Variants in IL11RA observed in about 807,000 individuals in gnomAD.
The protein encoded by IL11RA is interleukin-11 receptor subunit alpha.
A neutral mutation model predicts 57.0 loss-of-function variants in IL11RA; 51 were observed. The ratio of observed to expected loss-of-function variants is 0.89; its 90% CI spans 0.71 to 1.13. The LOEUF (loss-of-function observed/expected upper bound fraction) is 1.13. Ranked by LOEUF, IL11RA falls within the 50% of genes most tolerant of loss-of-function variation. IL11RA has a pLI of 0.00. For missense variants in IL11RA, 498 were observed against 539.4 expected, an observed-to-expected ratio of 0.92 and a Z score of 0.76; for synonymous variants, 199 against 217.5, an observed-to-expected ratio of 0.91 and a Z score of 0.75.
Position 34,658,693 on chromosome 9 carries a change from G to GA in IL11RA, c.810+10_810+11insA. 1.2e-6 allele frequency: 2 copies of GA among 1,610,824 alleles called. No homozygotes were observed. Among genetic ancestry groups the GA allele is most frequent in the Non-Finnish European group, 1.7e-6 (2 of 1,179,982 alleles). ...TCCAGCCTGGTCCACGGTGAGGCCT[G>GA]GAGTGCGTCCCAACCCACGGCTGTG... is the stretch of plus-strand genomic sequence containing the variant. On this transcript the variant is annotated intron_variant, in intron 8 of 12. Transcript: ENST00000441545. This position sits in a 1 kb window ranked among gnomAD's most constrained non-coding sequence, Gnocchi z 4.0.
At chr9:34,656,182 C>T (rs983655399) in intron 3 of IL11RA, among the ~76,000 whole-genome samples, 17 of 152,218 alleles carry the variant, frequency 1.1e-4, no homozygotes, top group Admixed American at 6.5e-4. Flanking sequence ...CAGGTATGCG[C>T]CACCAGGCCC....
chr9:34,659,859 G>C lies in IL11RA; in HGVS notation c.911G>C (p.Trp304Ser). Residue 304 changes from tryptophan (W) to serine (S), a missense_variant, in exon 9 of 13, where the codon TGG becomes TCG. By Grantham distance (177) the Trp-to-Ser change is radical. Transcript: ENST00000441545. ...SARDFLDAGT[W>S]STWSPEAWGT... ...CGGGACTTTCTAGATGCTGGCACCTGGAGCACCTGGAGCCCGGAGGCCTGG... is the reference window on the plus strand; with the variant it reads ...CGGGACTTTCTAGATGCTGGCACCTCGAGCACCTGGAGCCCGGAGGCCTGG... 1 of 1,614,204 alleles carries C rather than the reference G, an allele frequency of 6.2e-7. No individual in the cohort carries two copies. Among genetic ancestry groups the C allele is most frequent in the Non-Finnish European group, 8.5e-7 (1 of 1,180,026 alleles).
Position 34,658,788 on chromosome 9 carries a change from C to G in IL11RA, c.810+105C>G. 8.0e-7 allele frequency: 1 copy of G among 1,249,570 alleles called. No individual in the cohort carries two copies. Among genetic ancestry groups the G allele is most frequent in the East Asian group, 2.4e-5 (1 of 42,000 alleles). The allele number at this position is 1,249,570 out of a possible 1,614,324, so 77.4% of individuals were successfully genotyped here. A position where few individuals can be genotyped will look rare whatever the true frequency, so the allele number is the denominator to read the frequency against. ...TCCAGTGCTGGCAGGTCACTGAAGA[C>G]CCAACACTTCCCTGTGGGCCAGGCT... On this transcript the variant is annotated intron_variant, in intron 8 of 12. Coordinates refer to ENST00000441545, the MANE Select transcript of IL11RA (RefSeq NM_001142784.3). This position sits in a 1 kb window ranked among gnomAD's most constrained non-coding sequence, Gnocchi z 4.0.
intron 9 of IL11RA, 105 bp from the exon 10 acceptor site, chr9:34,660,169 C>G: frequency 6.5e-7 from 1 of 1,547,204 alleles, no homozygotes; most frequent in Non-Finnish European, 8.9e-7. Context: ...CAGGCTCCTC[C>G]TCCTAGGTAC....
chr9:34,655,954 G>A (rs1821335681), intron 3 of IL11RA: 1 of 472,704 alleles, frequency 2.1e-6, no homozygotes, highest in African/African-American at 2.0e-5. Context: ...AATAAGCAAA[G>A]GAGAATCTTG....
chr9:34,656,855 T>G lies in IL11RA; in HGVS notation c.278T>G (p.Ile93Ser). The change falls in exon 4 of 13, where the codon ATC (isoleucine) becomes AGC (serine). Residue 93 changes from isoleucine (I) to serine (S), a missense_variant. Ile to Ser is a moderately radical substitution (Grantham distance 142). Transcript: ENST00000441545. ...QADSTDEGTY[I>S]CQTLDGALGG... is the part of the protein sequence containing the mutation. ...GACAGCACTGATGAGGGCACCTACA[T>G]CTGCCAGACCCTGGATGGTGCACTT... 1 of 1,614,136 alleles carries G rather than the reference T, an allele frequency of 6.2e-7. No individual in the cohort carries two copies. Among genetic ancestry groups the G allele is most frequent in the East Asian group, 2.2e-5 (1 of 44,870 alleles).
At position 34,660,262 on chromosome 9, in the gene IL11RA, G is replaced by A. The variant is rs772570260; in HGVS notation, c.953-12G>A. 2.5e-6 allele frequency: 4 copies of A among 1,614,196 alleles called. No homozygotes were observed. The highest frequency in any genetic ancestry group is 3.4e-6 in the Non-Finnish European group (4 of 1,180,028). Reference sequence around the variant, plus strand: ...AGCGTATGGACACTTATTGGGTCTTGCCTTCCTTTAGGGACCATACCAAAG... The same window carrying A: ...AGCGTATGGACACTTATTGGGTCTTACCTTCCTTTAGGGACCATACCAAAG... On this transcript the variant is annotated splice_polypyrimidine_tract_variant and intron_variant, in intron 9 of 12. Transcript: ENST00000441545.
rs765711697 is a variant in IL11RA at position 34,661,516 on chromosome 9, C to T, written c.*18C>T. On this transcript the variant is annotated 3_prime_UTR_variant, in exon 13 of 13. Coordinates refer to ENST00000441545, the MANE Select transcript of IL11RA (RefSeq NM_001142784.3). Reference sequence around the variant, plus strand: ...ACCTGTAGAGGACCCAGGAGGGCTTCGGCAGATTCCACCTATAATTCTGTC... The same window carrying T: ...ACCTGTAGAGGACCCAGGAGGGCTTTGGCAGATTCCACCTATAATTCTGTC... 2.3e-5 allele frequency: 37 copies of T among 1,613,096 alleles called. No homozygotes were observed. The highest frequency in any genetic ancestry group is 5.5e-5 in the South Asian group (5 of 91,076).
intron 1 of IL11RA, 185 bp from the exon 2 acceptor site, chr9:34,655,033 G>T: frequency 1.6e-6 from 1 of 624,160 alleles, no homozygotes; most frequent in Non-Finnish European, 3.0e-6. Context: ...GCACGCACAT[G>T]CAAAGCACTG....
chr9:34,655,642 G>A lies in IL11RA; in HGVS notation c.138G>A (p.Leu46=). 1 of 1,614,136 alleles carries A rather than the reference G, an allele frequency of 6.2e-7. No homozygotes were observed. The highest frequency in any genetic ancestry group is 1.1e-5 in the South Asian group (1 of 91,072). The change falls in exon 3 of 13, where the codon CTG becomes CTA. Residue 46 remains leucine, a synonymous_variant. Transcript: ENST00000441545. ...GGCAGCCAGGCAGGTCCGTGAAGCT[G>A]TGTTGTCCTGGAGTGACTGCCGGGT... is the stretch of plus-strand genomic sequence containing the variant. ...QYGQPGRSVK[L]CCPGVTAGDP... is the part of the protein sequence containing the mutation.
intron 11 of IL11RA, 118 bp from the exon 12 acceptor site, chr9:34,660,735 TC>T: frequency 1.7e-6 from 2 of 1,174,382 alleles, no homozygotes; most frequent in South Asian, 2.4e-5. Context: ...CATACCTCCA[TC>T]CCCCATGCCC....
rs1044177282 is a variant in IL11RA, at chr9:34,658,404, C to T, written c.647-116C>T. On this transcript the variant is annotated intron_variant, in intron 7 of 12. Transcript: ENST00000441545. This position sits in a 1 kb window ranked among gnomAD's most constrained non-coding sequence, Gnocchi z 4.0. ...TAATGGATGATCAAGTTTAAGATTT[C>T]CCCTCCCCTCTCAGGAGTGTCTGGC... The T allele has an allele frequency of 1.1e-5, 12 of 1,050,516 alleles. No homozygotes were observed. Among genetic ancestry groups the T allele is most frequent in the Admixed American group, 1.8e-5 (1 of 56,104 alleles). The allele number at this position is 1,050,516 out of a possible 1,614,324, so 65.1% of individuals were successfully genotyped here. A position where few individuals can be genotyped will look rare whatever the true frequency, so the allele number is the denominator to read the frequency against.
intron 3 of IL11RA, among the ~76,000 whole-genome samples, chr9:34,656,365 C>A (rs746563713): frequency 6.6e-6 from 1 of 152,160 alleles, no homozygotes; most frequent in Non-Finnish European, 1.5e-5. Flanking sequence ...TAGGAAAGGT[C>A]TCTCTGAGGA....
chr9:34,659,506 G>C (rs1283907566), intron 8 of IL11RA, among the ~76,000 whole-genome samples: 2 of 152,166 alleles, frequency 1.3e-5, no homozygotes, highest in Non-Finnish European at 2.9e-5. Context: ...GAGGCCCAAA[G>C]GGTCATTCAA....
chr9:34,659,712 G>A (rs367627906), intron 8 of IL11RA, 47 bp from the exon 9 acceptor site: 137 of 1,611,844 alleles, frequency 8.5e-5, no homozygotes, highest in Non-Finnish European at 1.1e-4. Flanking sequence ...GGCTGGGAAG[G>A]CCCTGCACTT....
rs1270065613 is a variant in IL11RA, at chr9:34,658,411, C to G, written c.647-109C>G. ...TGATCAAGTTTAAGATTTCCCCTCC[C>G]CTCTCAGGAGTGTCTGGCTAAGGCT... On this transcript the variant is annotated intron_variant, in intron 7 of 12. Coordinates refer to ENST00000441545, the MANE Select transcript of IL11RA (RefSeq NM_001142784.3). The surrounding 1 kb of genome is among the most constrained non-coding windows in gnomAD (Gnocchi z 4.0). The G allele has an allele frequency of 9.1e-7, 1 of 1,100,678 alleles. No homozygotes were observed. Among genetic ancestry groups the G allele is most frequent in the Non-Finnish European group, 1.4e-6 (1 of 716,582 alleles). The allele number at this position is 1,100,678 out of a possible 1,614,324, so 68.2% of individuals were successfully genotyped here. A position where few individuals can be genotyped will look rare whatever the true frequency, so the allele number is the denominator to read the frequency against.
rs200675357 is a variant in IL11RA at position 34,659,806 on chromosome 9, G to C, written c.858G>C (p.Gly286=). 480 of 1,614,084 alleles carry C rather than the reference G, an allele frequency of 3.0e-4. 1 individual carries two copies. The highest frequency in any genetic ancestry group is 3.9e-4 in the Non-Finnish European group (460 of 1,180,042). Residue 286 remains glycine, a synonymous_variant, in exon 9 of 13, where the codon GGG becomes GGC. Transcript: ENST00000441545. ...LEEVITDAVA[G]LPHAVRVSAR... is the part of the protein sequence containing the mutation. ...AGGTGATCACAGATGCTGTGGCTGG[G>C]CTGCCCCATGCTGTACGAGTCAGTG...
chr9:34,659,799 T>C lies in IL11RA; in HGVS notation c.851T>C (p.Val284Ala). ...CTGGAGGAGGTGATCACAGATGCTG[T>C]GGCTGGGCTGCCCCATGCTGTACGA... ...AGLEEVITDAVAGLPHAVRVS... is the reference protein window; with the variant it reads ...AGLEEVITDAAAGLPHAVRVS... The change falls in exon 9 of 13, where the codon GTG becomes GCG. Residue 284 changes from valine to alanine, a missense_variant. By Grantham distance (64) the Val-to-Ala change is moderately conservative (BLOSUM62 0). Transcript: ENST00000441545. 1 of 1,614,204 alleles carries C rather than the reference T, an allele frequency of 6.2e-7. No individual in the cohort carries two copies. The highest frequency in any genetic ancestry group is 8.5e-7 in the Non-Finnish European group (1 of 1,180,024).
In IL11RA at chr9:34,657,038, C is replaced by T. The variant is rs1821358304; in HGVS notation, c.335C>T (p.Pro112Leu). 6.2e-7 allele frequency: 1 copy of T among 1,614,082 alleles called. No homozygotes were observed. The stretch of plus-strand genomic sequence containing the variant: ...CAGGTGTACCCTCTGCCTCTAGACC[C>T]TCCAGCCCGCCCTGTTGTCTCCTGC... Reference protein sequence around the residue: ...GGTVTLQLGYPPARPVVSCQA... With the variant: ...GGTVTLQLGYLPARPVVSCQA... The change falls in exon 5 of 13, where the codon CCT becomes CTT. Residue 112 changes from proline (P) to leucine (L), a missense_variant. Transcript: ENST00000441545.
Sources: allele counts gnomAD v4.1 joint callset (sites outside exome capture counted in the v4.1 genomes callset), GRCh38; gene constraint gnomAD v4.1.1; non-coding constraint Gnocchi (gnomAD v3.1); transcripts MANE v1.5; gene names NCBI Gene and HGNC (gene_info 2026-07-23, HGNC 2026-07-21).